The following NANOS3 variants were observed in gnomAD, a reference collection of about 807,000 sequenced individuals.
The protein encoded by NANOS3 is nanos homolog 3.
NANOS3 carries 11 observed loss-of-function variants against 13.8 expected under a neutral mutation model. The ratio of observed to expected loss-of-function variants is 0.80; its 90% confidence interval spans 0.50 to 1.32. The LOEUF (loss-of-function observed/expected upper bound fraction) is 1.32, where lower values mean the gene tolerates loss of function less well. Among genes scored for constraint, NANOS3 ranks in the 40% most tolerant of loss-of-function variants. The pLI is 0.00. For missense variants in NANOS3, 221 were observed against 263.8 expected, an observed-to-expected ratio of 0.84 and a Z score of 1.12; for synonymous variants, 119 against 115.4, an observed-to-expected ratio of 1.03 and a Z score of -0.20.
upstream of NANOS3, among the ~76,000 whole-genome samples, chr19:13,873,931 CTG>C (rs1037411363): frequency 6.6e-6 from 1 of 151,864 alleles, no homozygotes; most frequent in African/African-American, 2.4e-5. Flanking sequence ...TCGCCGAACT[CTG>C]TGCGATCACT....
At chr19:13,875,716 C>G (rs574439877), upstream of NANOS3, among the ~76,000 whole-genome samples, 46 of 151,446 alleles carry the variant, frequency 3.0e-4, no homozygotes, top group Non-Finnish European at 5.6e-4. Flanking sequence ...TAGCTTATTT[C>G]GAAAAAGTGT....
At chr19:13,869,693 C>A (rs1288982665) in intron 1 of NANOS3, among the ~76,000 whole-genome samples, 1 of 151,688 alleles carries the variant, frequency 6.6e-6, no homozygotes, top group Non-Finnish European at 1.5e-5. Context: ...CCATAATGGG[C>A]TCTTTGTCTG....
Position 13,877,656 on chromosome 19 carries a change from C to T in NANOS3, c.408C>T (p.Thr136=). 6.2e-7 allele frequency: 1 copy of T among 1,612,136 alleles called. No homozygotes were observed. Among genetic ancestry groups the T allele is most frequent in the Non-Finnish European group, 8.5e-7 (1 of 1,179,978 alleles). Reference sequence around the variant, plus strand: ...GCCCACTTACTGGCCAGGGCTACACCTCCGTCTACAGCCACACCACCCGAA... The same window carrying T: ...GCCCACTTACTGGCCAGGGCTACACTTCCGTCTACAGCCACACCACCCGAA... The part of the protein sequence containing the change: ...RFCPLTGQGY[T]SVYSHTTRNS... The change falls in exon 1 of 2, where the codon ACC becomes ACT. Residue 136 remains threonine, a synonymous_variant. Transcript: ENST00000339133.
intron 1 of NANOS3, among the ~76,000 whole-genome samples, chr19:13,878,843 G>A (rs1233946200): frequency 2.0e-5 from 3 of 151,762 alleles, no homozygotes; most frequent in Admixed American, 1.3e-4. Flanking sequence ...TCTCAAACAC[G>A]GCTTAGGTGA....
At chr19:13,869,575 C>T (rs1204868808) in intron 1 of NANOS3, among the ~76,000 whole-genome samples, 3 of 151,930 alleles carry the variant, frequency 2.0e-5, no homozygotes, top group South Asian at 2.1e-4. Context: ...TCAGAGCCCA[C>T]GCAGGTATCA....
rs1968608029 is a variant in NANOS3, at chr19:13,880,350, C to T, written c.518-92C>T. The T allele has an allele frequency of 3.3e-6, 4 of 1,219,120 alleles. No individual in the cohort carries two copies. In the South Asian group the frequency reaches 5.2e-5, roughly 16 times the overall value. The allele number at this position is 1,219,120 out of a possible 1,614,324, so 75.5% of individuals were successfully genotyped here. A position where few individuals can be genotyped will look rare whatever the true frequency, so the allele number is the denominator to read the frequency against. ...GCAGCCCCTGGGTGGCGCCAGAGGT[C>T]CAGCAGGCCCGGAGGCCGAGTCCGT... On this transcript the variant is annotated intron_variant, in intron 1 of 1. Transcript: ENST00000339133.
chr19:13,864,665 G>A (rs905454128), upstream of NANOS3, among the ~76,000 whole-genome samples: 4 of 152,080 alleles, frequency 2.6e-5, no homozygotes, highest in African/African-American at 7.2e-5. Flanking sequence ...ATACCCCAGT[G>A]CGTCTGTGAT....
At chr19:13,878,323 C>G (rs1163602785) in intron 1 of NANOS3, among the ~76,000 whole-genome samples, 1 of 152,010 alleles carries the variant, frequency 6.6e-6, no homozygotes, top group Admixed American at 6.6e-5. Context: ...ACTGCAACCT[C>G]TGCCTTCCGG....
intron 1 of NANOS3, among the ~76,000 whole-genome samples, chr19:13,871,973 T>A (rs1421942599): frequency 2.0e-5 from 3 of 152,088 alleles, no homozygotes; most frequent in Non-Finnish European, 2.9e-5. Context: ...CACTCCAGCC[T>A]GGGCAACAGA....
At chr19:13,865,148 C>A (rs1189091364), upstream of NANOS3, among the ~76,000 whole-genome samples, 2 of 151,668 alleles carry the variant, frequency 1.3e-5, no homozygotes, top group African/African-American at 4.8e-5. Context: ...ACGGCCGCGG[C>A]TGGACCCACC....
chr19:13,880,345 G>C, intron 1 of NANOS3, 97 bp from the exon 2 acceptor site: 2 of 1,150,842 alleles, frequency 1.7e-6, no homozygotes, highest in Non-Finnish European at 2.6e-6. Context: ...GGTGGCGCCA[G>C]AGGTCCAGCA....
At chr19:13,871,011 T>C (rs1466143438) in intron 1 of NANOS3, among the ~76,000 whole-genome samples, 1 of 151,306 alleles carries the variant, frequency 6.6e-6, no homozygotes, top group Non-Finnish European at 1.5e-5. Flanking sequence ...AGAAGCAAAA[T>C]GAAGGCCCTG....
chr19:13,876,247 T>G (rs1267975632), upstream of NANOS3, among the ~76,000 whole-genome samples: 2 of 152,192 alleles, frequency 1.3e-5, no homozygotes, highest in Non-Finnish European at 2.9e-5. Context: ...CAAGCAATTC[T>G]TCTGCCTCAG....
upstream of NANOS3, among the ~76,000 whole-genome samples, chr19:13,872,461 G>A (rs912986391): frequency 6.6e-6 from 1 of 152,104 alleles, no homozygotes; most frequent in Non-Finnish European, 1.5e-5. Context: ...TGGGACTACA[G>A]ACAAGAACCA....
At chr19:13,878,332 G>A (rs1293133973) in intron 1 of NANOS3, among the ~76,000 whole-genome samples, 1 of 151,908 alleles carries the variant, frequency 6.6e-6, no homozygotes, top group Non-Finnish European at 1.5e-5. Context: ...TCTGCCTTCC[G>A]GGTTCAAGCG....
chr19:13,870,805 C>T (rs1056775811), intron 1 of NANOS3, among the ~76,000 whole-genome samples: 1 of 151,560 alleles, frequency 6.6e-6, no homozygotes, highest in Admixed American at 6.6e-5. Flanking sequence ...GTCTCGAACT[C>T]CTGACCTCAA....
At chr19:13,878,065 C>T (rs564415139) in intron 1 of NANOS3, among the ~76,000 whole-genome samples, 59 of 151,476 alleles carry the variant, frequency 3.9e-4, no homozygotes, top group African/African-American at 1.4e-3. Flanking sequence ...CGCGCCACCA[C>T]ACCCGGCTAA....
chr19:13,873,337 C>T (rs1968434163), upstream of NANOS3, among the ~76,000 whole-genome samples: 1 of 146,688 alleles, frequency 6.8e-6, no homozygotes, highest in South Asian at 2.2e-4. Flanking sequence ...TTGCCACCAC[C>T]GTGAGGGGTG....
upstream of NANOS3, among the ~76,000 whole-genome samples, chr19:13,864,629 T>C (rs981849584): frequency 6.6e-6 from 1 of 152,078 alleles, no homozygotes; most frequent in Non-Finnish European, 1.5e-5. Context: ...TGTGTGTATG[T>C]TGGGGGGTAT....
Sources: gnomAD v4.1 joint callset for allele counts (sites outside exome capture counted in the v4.1 genomes callset) on GRCh38, gnomAD v4.1.1 for gene constraint, MANE v1.5 for transcripts, NCBI Gene and HGNC (gene_info 2026-07-23, HGNC 2026-07-21) for gene names.